The following ZMYM4 variants were observed in gnomAD, a reference collection of about 807,000 sequenced individuals.
ZMYM4 encodes the protein zinc finger MYM-type protein 4.
In ZMYM4, 31 loss-of-function variants were observed where a neutral mutation model predicts 183.2. The ratio of observed to expected loss-of-function variants is 0.17; its 90% CI spans 0.13 to 0.23. The LOEUF (loss-of-function observed/expected upper bound fraction) is 0.23, where lower values mean the gene tolerates loss of function less well. Among genes scored for constraint, ZMYM4 ranks in the 10% least tolerant of loss-of-function variants. ZMYM4 has a pLI of 1.00. For missense variants in ZMYM4, 1,273 were observed against 1,840.3 expected (o/e 0.69, Z 5.64); for synonymous variants, 592 against 631.2 (o/e 0.94, Z 0.93).
chr1:35,302,531 G>A (rs554992672), intron 1 of ZMYM4, among the ~76,000 whole-genome samples: 1 of 151,788 alleles, frequency 6.6e-6, no homozygotes, highest in East Asian at 1.9e-4. Context: ...AACTATGGGT[G>A]CCTGCCACAA....
intron 1 of ZMYM4, among the ~76,000 whole-genome samples, chr1:35,315,713 G>A (rs1438654589): frequency 2.0e-5 from 3 of 152,062 alleles, no homozygotes; most frequent in Non-Finnish European, 2.9e-5. Context: ...TGGGAGGATC[G>A]CTTTAGCCTG....
chr1:35,302,362 G>A (rs921472043), intron 1 of ZMYM4, among the ~76,000 whole-genome samples: 3 of 149,730 alleles, frequency 2.0e-5, no homozygotes, highest in Admixed American at 2.0e-4. Flanking sequence ...CTGTGCCAGC[G>A]GACTGGCTAA....
intron 1 of ZMYM4, among the ~76,000 whole-genome samples, chr1:35,288,316 A>G (rs1490397565): frequency 2.0e-5 from 3 of 152,192 alleles, no homozygotes; most frequent in Non-Finnish European, 2.9e-5. Flanking sequence ...AAATGAAAAC[A>G]TGTTTATCTT....
chr1:35,329,997 C>T (rs1642667011), intron 2 of ZMYM4, among the ~76,000 whole-genome samples: 1 of 152,152 alleles, frequency 6.6e-6, no homozygotes, highest in African/African-American at 2.4e-5. Context: ...AAGAGGATTG[C>T]ATGAACCCAG....
intron 1 of ZMYM4, among the ~76,000 whole-genome samples, chr1:35,286,487 G>A (rs1158574558): frequency 1.3e-5 from 2 of 152,006 alleles, no homozygotes; most frequent in East Asian, 3.9e-4. Flanking sequence ...GTTATCTGGA[G>A]ACCACAGCCT....
At chr1:35,419,351 CTTACTTTTAA>C (rs1188674182) in intron 29 of ZMYM4, 109 bp from the exon 30 acceptor site, 16 of 1,107,542 alleles carry the variant, frequency 1.4e-5, no homozygotes, top group Non-Finnish European at 2.0e-5. Flanking sequence ...AGTTTTTGCC[CTTACTTTTAA>C]TTACTTTTAA....
chr1:35,374,113 C>A (rs1301130837), intron 7 of ZMYM4, among the ~76,000 whole-genome samples: 1 of 144,244 alleles, frequency 6.9e-6, no homozygotes, highest in African/African-American at 2.6e-5. Context: ...CTCACTGCAA[C>A]CTCCACCTCC....
intron 2 of ZMYM4, among the ~76,000 whole-genome samples, chr1:35,348,911 G>A (rs1419318058): frequency 6.6e-6 from 1 of 152,220 alleles, no homozygotes; most frequent in Non-Finnish European, 1.5e-5. Flanking sequence ...ACATGGATGT[G>A]CAAGTGTCTT....
Position 35,333,041 on chromosome 1 carries a change from C to T in ZMYM4, c.85+7636C>T, listed in dbSNP as rs151292748. Among the ~76,000 whole-genome samples the T allele has an allele frequency of 1.0e-3, 158 of 152,142 alleles. 4 individuals are homozygous for T. In the East Asian group the frequency reaches 0.028, roughly 27 times the overall value. On this transcript the variant is annotated intron_variant, in intron 2 of 29. Transcript: ENST00000314607. Reference sequence around the variant, plus strand: ...ATAGGAGGAGGGAGGGTGAAGGTCACGTTATAGAAAAGCACATGGATGGAA... The same window carrying T: ...ATAGGAGGAGGGAGGGTGAAGGTCATGTTATAGAAAAGCACATGGATGGAA...
chr1:35,269,946 G>A (rs1369270606), intron 1 of ZMYM4, among the ~76,000 whole-genome samples: 4 of 152,070 alleles, frequency 2.6e-5, no homozygotes. Context: ...TTCCTTTTAG[G>A]AGTCTTCCTT....
At chr1:35,307,953 C>G (rs1243874352) in intron 1 of ZMYM4, among the ~76,000 whole-genome samples, 1 of 152,138 alleles carries the variant, frequency 6.6e-6, no homozygotes, top group African/African-American at 2.4e-5. Flanking sequence ...CCTCAGCCTC[C>G]CAAGTAGCTG....
chr1:35,278,151 C>T (rs571681507), intron 1 of ZMYM4, among the ~76,000 whole-genome samples: 2 of 152,116 alleles, frequency 1.3e-5, no homozygotes, highest in South Asian at 2.1e-4. Flanking sequence ...CCTTCATCTT[C>T]CCTTGGTCTT....
At chr1:35,331,826 A>G (rs987172646) in intron 2 of ZMYM4, among the ~76,000 whole-genome samples, 4 of 150,738 alleles carry the variant, frequency 2.7e-5, no homozygotes, top group Non-Finnish European at 5.9e-5. Flanking sequence ...AAATAAATAA[A>G]TAAATAAATA....
intron 1 of ZMYM4, among the ~76,000 whole-genome samples, chr1:35,270,003 T>C (rs942281550): frequency 2.6e-5 from 4 of 152,206 alleles, no homozygotes; most frequent in African/African-American, 9.7e-5. Flanking sequence ...GGCAAAAAAT[T>C]ACTACTTTAT....
intron 7 of ZMYM4, among the ~76,000 whole-genome samples, chr1:35,379,373 A>G (rs895415440): frequency 6.6e-6 from 1 of 152,200 alleles, no homozygotes; most frequent in African/African-American, 2.4e-5. Flanking sequence ...TGCTGGGATT[A>G]CAAGCGTGAG....
Position 35,315,365 on chromosome 1 carries a change from C to T in ZMYM4, c.40-9995C>T, listed in dbSNP as rs572646464. On this transcript the variant is annotated intron_variant, in intron 1 of 29. Transcript: ENST00000314607. ...ATGCAACTTAACTCCATTGCTTCTA[C>T]GTAGAACTTTGGTTTTTATTTTATA... Among the ~76,000 whole-genome samples, 24 of 152,066 alleles carry T rather than the reference C, an allele frequency of 1.6e-4. No individual in the cohort carries two copies. The South Asian group carries it at 4.6e-3, about 29-fold the overall frequency.
At chr1:35,285,211 AAG>A (rs1220111492) in intron 1 of ZMYM4, among the ~76,000 whole-genome samples, 3 of 152,088 alleles carry the variant, frequency 2.0e-5, no homozygotes, top group African/African-American at 4.8e-5. Flanking sequence ...TTTCTGAAAA[AAG>A]AGTTATTAGG....
intron 7 of ZMYM4, among the ~76,000 whole-genome samples, chr1:35,375,446 TG>T (rs1644314272): frequency 6.6e-6 from 1 of 152,232 alleles, no homozygotes; most frequent in South Asian, 2.1e-4. Context: ...TGGTTAATTT[TG>T]GCATATGCAT....
chr1:35,307,055 G>A (rs934369006), intron 1 of ZMYM4, among the ~76,000 whole-genome samples: 10 of 152,176 alleles, frequency 6.6e-5, no homozygotes, highest in Non-Finnish European at 1.0e-4. Context: ...ATAAATTACC[G>A]TTGGCTAACT....
Sources: allele counts gnomAD v4.1 joint callset (sites outside exome capture counted in the v4.1 genomes callset), GRCh38; gene constraint gnomAD v4.1.1; transcripts MANE v1.5; gene names NCBI Gene and HGNC (gene_info 2026-07-23, HGNC 2026-07-21).